PCDH15: variants seen among roughly 807,000 people sequenced by gnomAD.
The protein encoded by PCDH15 is protocadherin related 15.
A neutral mutation model predicts 178.5 loss-of-function variants in PCDH15; 129 were observed. That is an observed-to-expected ratio of 0.72 (90% CI 0.63 to 0.84). PCDH15 has a LOEUF of 0.84. Ranked by LOEUF, PCDH15 falls within the 40% of genes least tolerant of loss-of-function variation. PCDH15 has a pLI of 0.00. For synonymous variants in PCDH15, 800 were observed against 732.0 expected (o/e 1.09, Z -1.50); for missense variants, 2,230 against 2,099.9 (o/e 1.06, Z -1.21).
chr10:54,654,793 A>G (rs976114775), intron 2 of PCDH15: 1 of 152,204 alleles, frequency 6.6e-6, no homozygotes. Context: ...AATCGTTCTA[A>G]AATTTTCAGA....
chr10:53,934,933 A>G (rs958349071), intron 25 of PCDH15, among the ~76,000 whole-genome samples: 5 of 151,064 alleles, frequency 3.3e-5, no homozygotes, highest in Admixed American at 3.3e-4. Flanking sequence ...TGCCACATTA[A>G]TAAAAAAAAA....
chr10:54,114,979 AT>A (rs1564453319), intron 15 of PCDH15, among the ~76,000 whole-genome samples: 1 of 152,244 alleles, frequency 6.6e-6, no homozygotes, highest in South Asian at 2.1e-4. Flanking sequence ...ATTTTAGGTA[AT>A]TTTTTTAAAA....
At chr10:55,356,716 T>G (rs532994812) in intron 2 of PCDH15, among the ~76,000 whole-genome samples, 1 of 152,038 alleles carries the variant, frequency 6.6e-6, no homozygotes, top group African/African-American at 2.4e-5. Context: ...ACCAATTTAG[T>G]TGTTATAATT....
In PCDH15 at chr10:54,716,994, G is replaced by A. The variant is rs556993397; in HGVS notation, c.-28-52704C>T. Among the ~76,000 whole-genome samples the A allele has an allele frequency of 3.9e-4, 58 of 148,744 alleles. 1 individual carries two copies. Among genetic ancestry groups the A allele is most frequent in the South Asian group, 1.1e-3 (5 of 4,738 alleles). On this transcript the variant is annotated intron_variant, in intron 1 of 37. Transcript: ENST00000644397. The stretch of plus-strand genomic sequence containing the variant: ...ATCTGATCTTTGACAAACCTGAGAA[G>A]AACAAGCAATGGGGAAAGGATTCCC...
intron 1 of PCDH15, among the ~76,000 whole-genome samples, chr10:54,741,975 C>A (rs776355169): frequency 3.3e-5 from 5 of 151,990 alleles, no homozygotes; most frequent in Non-Finnish European, 5.9e-5. Flanking sequence ...GACATTAACA[C>A]CTTTGAGTGG....
intron 1 of PCDH15, among the ~76,000 whole-genome samples, chr10:55,222,912 C>G: frequency 6.6e-6 from 1 of 151,860 alleles, no homozygotes; most frequent in Middle Eastern, 3.4e-3. Context: ...ATAGTGAAAT[C>G]TTTTATCTTT....
chr10:55,309,642 G>A (rs1276050907), intron 1 of PCDH15, among the ~76,000 whole-genome samples: 1 of 152,050 alleles, frequency 6.6e-6, no homozygotes, highest in Non-Finnish European at 1.5e-5. Flanking sequence ...ATAAATCAAT[G>A]GGTGATCACA....
intron 2 of PCDH15, among the ~76,000 whole-genome samples, chr10:55,033,352 A>T (rs1840657563): frequency 6.6e-6 from 1 of 152,182 alleles, no homozygotes; most frequent in Non-Finnish European, 1.5e-5. Context: ...AGCTGTACCC[A>T]GCAAAGCCAT....
chr10:55,607,190 A>G (rs1843241173), intron 2 of PCDH15, among the ~76,000 whole-genome samples: 1 of 150,806 alleles, frequency 6.6e-6, no homozygotes, highest in Non-Finnish European at 1.5e-5. Flanking sequence ...AATCAAAACC[A>G]CAATGAGATA....
intron 2 of PCDH15, among the ~76,000 whole-genome samples, chr10:55,049,895 A>G (rs1038571513): frequency 6.6e-6 from 1 of 152,054 alleles, no homozygotes; most frequent in Non-Finnish European, 1.5e-5. Context: ...AATTCAGGTA[A>G]GACTATTTTG....
rs772452288 is a variant in PCDH15, at chr10:54,079,408, A to G, written c.2014T>C (p.Leu672=). 6.2e-6 allele frequency: 10 copies of G among 1,613,966 alleles called. No homozygotes were observed. In the Admixed American group the frequency reaches 1.3e-4, roughly 22 times the overall value. The change falls in exon 17 of 38, where the codon TTA becomes CTA. Residue 672 remains leucine (L), a synonymous_variant. Transcript: ENST00000644397. The stretch of plus-strand genomic sequence containing the variant: ...CTTTCCCTGTCCAGTGCTTTCCCTA[A>G]GGTTAGAATCCCCGTGCTAGTGACA... The part of the protein sequence containing the change: ...NLSETTGILT[L]GKALDRESTD...
intron 2 of PCDH15, among the ~76,000 whole-genome samples, chr10:55,338,583 C>G (rs1844462501): frequency 6.6e-6 from 1 of 152,138 alleles, no homozygotes; most frequent in African/African-American, 2.4e-5. Context: ...GCTTGGCCAA[C>G]ATGGTGAAAT....
chr10:55,464,312 AT>A (rs1026164619), intron 2 of PCDH15, among the ~76,000 whole-genome samples: 15 of 151,946 alleles, frequency 9.9e-5, no homozygotes, highest in African/African-American at 2.7e-4. Flanking sequence ...ACGACTAACC[AT>A]TTTTTTTCCT....
chr10:54,222,051 A>G (rs750685336), intron 9 of PCDH15, among the ~76,000 whole-genome samples: 29 of 152,186 alleles, frequency 1.9e-4, no homozygotes, highest in Admixed American at 2.6e-4. Context: ...CAACTCATTT[A>G]TCTATTCATA....
chr10:54,869,761 C>G (rs1363586071), intron 3 of PCDH15, among the ~76,000 whole-genome samples: 1 of 152,106 alleles, frequency 6.6e-6, no homozygotes, highest in African/African-American at 2.4e-5. Flanking sequence ...AAGAGTGATC[C>G]CAAAGTTCAA....
Position 54,617,755 on chromosome 10 carries a change from C to CAA in PCDH15, c.91+46415_91+46416dup, listed in dbSNP as rs71010398. Among the ~76,000 whole-genome samples, 514 of 117,068 alleles carry CAA rather than the reference C, an allele frequency of 4.4e-3. 5 individuals carry two copies. Among genetic ancestry groups the CAA allele is most frequent in the African/African-American group, 0.015 (451 of 29,706 alleles). 76.8% of individuals were successfully genotyped at this position (117,068 alleles called of 152,430 possible). A position where few individuals can be genotyped will look rare whatever the true frequency, so the allele number is the denominator to read the frequency against. ...TGGTGAAACCCCAACTCTAAAAATA[C>CAA]AAAAAAAAAAAAAAAAAAAAATTAG... On this transcript the variant is annotated intron_variant, in intron 2 of 37. Coordinates refer to ENST00000644397, the MANE Select transcript of PCDH15 (RefSeq NM_001384140.1).
chr10:55,155,013 C>A (rs1838845905), intron 2 of PCDH15, among the ~76,000 whole-genome samples: 1 of 152,000 alleles, frequency 6.6e-6, no homozygotes, highest in Non-Finnish European at 1.5e-5. Context: ...TTCTTGCAAC[C>A]ATCACAAGGG....
At chr10:54,200,974 C>T (rs2050176378) in intron 10 of PCDH15, among the ~76,000 whole-genome samples, 1 of 152,150 alleles carries the variant, frequency 6.6e-6, no homozygotes, top group African/African-American at 2.4e-5. Context: ...CTTCGTAACA[C>T]TGCGTAAGTA....
rs74136389 is a variant in PCDH15, at chr10:55,184,567, A to G, written c.-155-17916T>C. The stretch of plus-strand genomic sequence containing the variant: ...ATGTCTGTTGACATTTACGATACTT[A>G]TCACTCACACAGAAAGTGGAAGAAA... On this transcript the variant is annotated intron_variant, in intron 1 of 5. Coordinates refer to the PCDH15 transcript ENST00000458638. Among the ~76,000 whole-genome samples the G allele has an allele frequency of 9.9e-3, 1,506 of 152,116 alleles. 30 individuals carry two copies. Among genetic ancestry groups the G allele is most frequent in the African/African-American group, 0.035 (1,443 of 41,552 alleles).
Sources: gnomAD v4.1 joint callset for allele counts (sites outside exome capture counted in the v4.1 genomes callset) on GRCh38, gnomAD v4.1.1 for gene constraint, MANE v1.5 for transcripts, NCBI Gene and HGNC (gene_info 2026-07-23, HGNC 2026-07-21) for gene names.